Variants in ALK observed in about 807,000 individuals in gnomAD.
The protein encoded by ALK is ALK tyrosine kinase receptor.
In ALK, 74 loss-of-function variants were observed where a neutral mutation model predicts 163.1. That is an observed-to-expected ratio of 0.45 (90% CI 0.38 to 0.55). ALK has a LOEUF of 0.55. ALK is among the 20% of genes least tolerant of loss of function. The pLI, the probability that ALK is intolerant of heterozygous loss-of-function variation, is 0.00. For synonymous variants in ALK, 960 were observed against 843.2 expected (o/e 1.14, Z -2.40); for missense variants, 2,063 against 2,105.3 (o/e 0.98, Z 0.39).
rs1669477725 is a variant in ALK, at chr2:29,211,978, C to A, written c.3743+2006G>T. ...GAATGTAATCCTGTTAACATCATAGCAACAGAGCATTGGGTATCATCAAAA... is the reference window on the plus strand; with the variant it reads ...GAATGTAATCCTGTTAACATCATAGAAACAGAGCATTGGGTATCATCAAAA... On this transcript the variant is annotated intron_variant, in intron 24 of 28. Coordinates refer to ENST00000389048, the MANE Select transcript of ALK (RefSeq NM_004304.5). 2.6e-5 allele frequency among the ~76,000 whole-genome samples: 4 copies of A among 152,114 alleles called. No homozygotes were observed. The South Asian group carries it at 8.3e-4, about 32-fold the overall frequency.
chr2:29,889,681 T>G (rs934148203), intron 1 of ALK, among the ~76,000 whole-genome samples: 1 of 137,008 alleles, frequency 7.3e-6, no homozygotes, highest in Non-Finnish European at 1.6e-5. Context: ...TCTGTATCTA[T>G]ATAGATAGAT....
chr2:29,591,058 G>T (rs1341264771), intron 3 of ALK, among the ~76,000 whole-genome samples: 2 of 111,094 alleles, frequency 1.8e-5, no homozygotes, highest in East Asian at 5.4e-4. Flanking sequence ...GAGACACAGC[G>T]AGACTCCGTC....
rs552986948 is a variant in ALK, at chr2:29,888,198, C to T, written c.667+31795G>A. Among the ~76,000 whole-genome samples, 33 of 149,152 alleles carry T rather than the reference C, an allele frequency of 2.2e-4. 1 individual carries two copies. Among genetic ancestry groups the T allele is most frequent in the Non-Finnish European group, 1.5e-5 (1 of 67,764 alleles). On this transcript the variant is annotated intron_variant, in intron 1 of 28. Transcript: ENST00000389048. ...ATCCAATTACCATGGCTGTTCCTAG[C>T]TGTGGAGGATTGGGCCTGTAGACAT...
chr2:29,542,721 A>C (rs1391697574), intron 3 of ALK, among the ~76,000 whole-genome samples: 1 of 152,170 alleles, frequency 6.6e-6, no homozygotes, highest in African/African-American at 2.4e-5. Flanking sequence ...TAAAGTTCTA[A>C]AATTTCAATA....
intron 4 of ALK, among the ~76,000 whole-genome samples, chr2:29,395,244 T>C (rs984804046): frequency 1.3e-5 from 2 of 152,178 alleles, no homozygotes; most frequent in Non-Finnish European, 2.9e-5. Context: ...CAGCCATAAA[T>C]CTCTGGCCAA....
At chr2:29,636,976 C>T (rs1247958844) in intron 3 of ALK, among the ~76,000 whole-genome samples, 3 of 152,162 alleles carry the variant, frequency 2.0e-5, no homozygotes, top group African/African-American at 4.8e-5. Context: ...TACATCACTC[C>T]TACATTGCTG....
rs766564449 is a variant in ALK at position 29,706,975 on chromosome 2, A to ATGTGTGTGTGTG, written c.787+10591_787+10602dup. Reference sequence around the variant, plus strand: ...AATTTCCAGGAAACACTCATGCAGAATGTGTGTGTGTGTGTGTGTGTGTGT... The same window carrying ATGTGTGTGTGTG: ...AATTTCCAGGAAACACTCATGCAGAATGTGTGTGTGTGTGTGTGTGTGTGTGTGTGTGTGTGT... On this transcript the variant is annotated intron_variant, in intron 2 of 28. Coordinates refer to ENST00000389048, the MANE Select transcript of ALK (RefSeq NM_004304.5). Among the ~76,000 whole-genome samples, 593 of 102,772 alleles carry ATGTGTGTGTGTG rather than the reference A, an allele frequency of 5.8e-3. 17 individuals carry two copies. Among genetic ancestry groups the ATGTGTGTGTGTG allele is most frequent in the East Asian group, 9.8e-3 (31 of 3,166 alleles). The allele number at this position is 102,772 out of a possible 152,430, so 67.4% of individuals were successfully genotyped here.
intron 5 of ALK, among the ~76,000 whole-genome samples, chr2:29,371,099 C>T (rs72853092): frequency 0.034 from 5,216 of 152,266 alleles, 110 homozygotes; most frequent in Middle Eastern, 0.054. Flanking sequence ...GAGGGATCTC[C>T]GAGACCATTT....
rs1012317772 is a variant in ALK at position 29,586,212 on chromosome 2, T to C, written c.953-54096A>G. The stretch of plus-strand genomic sequence containing the variant: ...TCTTTGAATTGTTGCTTCATATCAG[T>C]TGCCCATTTTTTTGGGGGGGATATT... On this transcript the variant is annotated intron_variant, in intron 3 of 28. Coordinates refer to ENST00000389048, the MANE Select transcript of ALK (RefSeq NM_004304.5). Among the ~76,000 whole-genome samples the C allele has an allele frequency of 3.3e-5, 5 of 150,988 alleles. No individual in the cohort carries two copies. The South Asian group carries it at 8.4e-4, about 25-fold the overall frequency.
At chr2:29,852,304 T>C (rs1230041950) in intron 1 of ALK, among the ~76,000 whole-genome samples, 1 of 152,164 alleles carries the variant, frequency 6.6e-6, no homozygotes, top group African/African-American at 2.4e-5. Flanking sequence ...GAGGTATAAG[T>C]GCAGAGGCTG....
chr2:29,339,631 C>T (rs1018408637), intron 5 of ALK, among the ~76,000 whole-genome samples: 1 of 152,194 alleles, frequency 6.6e-6, no homozygotes, highest in Non-Finnish European at 1.5e-5. Context: ...AACCACTTGG[C>T]AGGCTGCTGT....
intron 4 of ALK, among the ~76,000 whole-genome samples, chr2:29,394,817 C>T (rs1220549366): frequency 3.3e-5 from 5 of 152,028 alleles, no homozygotes; most frequent in African/African-American, 7.2e-5. Context: ...TTTTTAGCAC[C>T]ATCTGTTCTT....
chr2:29,197,196 G>T (rs1017195803), intron 27 of ALK, among the ~76,000 whole-genome samples: 1 of 152,190 alleles, frequency 6.6e-6, no homozygotes, highest in African/African-American at 2.4e-5. Context: ...AGGAGACATT[G>T]CAGGGAATGG....
chr2:29,202,383 T>C (rs547745344), intron 26 of ALK, among the ~76,000 whole-genome samples: 4 of 152,380 alleles, frequency 2.6e-5, no homozygotes, highest in African/African-American at 7.2e-5. Context: ...AGCATTCCAA[T>C]TGTGAAACAG....
At chr2:29,396,664 G>T (rs1168600811) in intron 4 of ALK, among the ~76,000 whole-genome samples, 2 of 152,020 alleles carry the variant, frequency 1.3e-5, no homozygotes, top group African/African-American at 4.8e-5. Flanking sequence ...GACAGAGCGA[G>T]ACTCCATCTC....
At chr2:29,615,785 T>A (rs935478671) in intron 3 of ALK, among the ~76,000 whole-genome samples, 2 of 152,210 alleles carry the variant, frequency 1.3e-5, no homozygotes, top group African/African-American at 4.8e-5. Context: ...TCTCTGCAGT[T>A]TTAATGTGCC....
Position 29,582,860 on chromosome 2 carries a change from C to CTTT in ALK, c.953-50747_953-50745dup, listed in dbSNP as rs11406173. 2.9e-3 allele frequency among the ~76,000 whole-genome samples: 406 copies of CTTT among 137,774 alleles called. 4 individuals carry two copies. The highest frequency in any genetic ancestry group is 7.2e-3 in the African/African-American group (264 of 36,792). The allele number at this position is 137,774 out of a possible 152,430, so 90.4% of individuals were successfully genotyped here. On this transcript the variant is annotated intron_variant, in intron 3 of 28. Transcript: ENST00000389048. Reference sequence around the variant, plus strand: ...AAGTCAGAATTCAAACCCAGCACTCCTTTTTTTTTTTTTTTCTATTGAGAT... The same window carrying CTTT: ...AAGTCAGAATTCAAACCCAGCACTCCTTTTTTTTTTTTTTTTTTCTATTGAGAT...
chr2:29,628,851 A>T (rs1676274976), intron 3 of ALK, among the ~76,000 whole-genome samples: 1 of 152,354 alleles, frequency 6.6e-6, no homozygotes, highest in South Asian at 2.1e-4. Flanking sequence ...ATAATAAAAC[A>T]TTCACATACA....
intron 2 of ALK, among the ~76,000 whole-genome samples, chr2:29,710,499 C>CGCGTGTGTGT (rs1553350593): frequency 1.4e-5 from 2 of 144,662 alleles, no homozygotes; most frequent in South Asian, 4.6e-4. Context: ...AGTCTGTGTG[C>CGCGTGTGTGT]GTGTGTGTGT....
Sources: allele counts gnomAD v4.1 joint callset (sites outside exome capture counted in the v4.1 genomes callset), GRCh38; gene constraint gnomAD v4.1.1; transcripts MANE v1.5; gene names NCBI Gene and HGNC (gene_info 2026-07-23, HGNC 2026-07-21).